The following PAK2 variants were observed in gnomAD, a reference collection of about 807,000 sequenced individuals.
PAK2 encodes p21 (RAC1) activated kinase 2.
A neutral mutation model predicts 65.9 loss-of-function variants in PAK2; 21 were observed. That is an observed-to-expected ratio of 0.32 (90% CI 0.23 to 0.46). The LOEUF (loss-of-function observed/expected upper bound fraction) is 0.46. PAK2 is among the 20% of genes least tolerant of loss of function. The probability of loss-of-function intolerance (pLI) is 1.00; values close to 1 mark genes in which losing one functional copy is unlikely to be tolerated. For missense variants in PAK2, 324 were observed against 642.6 expected (o/e 0.50, Z 5.36); for synonymous variants, 204 against 219.7 (o/e 0.93, Z 0.63).
intron 9 of PAK2, 82 bp from the exon 10 acceptor site, chr3:196,812,657 G>A (rs1168351949): frequency 5.1e-5 from 35 of 680,920 alleles, no homozygotes; most frequent in South Asian, 3.3e-4. Context: ...TACACGTACC[G>A]TGAGTTATCA....
intron 9 of PAK2, 31 bp from the exon 10 acceptor site, chr3:196,812,708 C>G (rs774990825): frequency 2.0e-6 from 2 of 983,416 alleles, no homozygotes; most frequent in Non-Finnish European, 1.6e-6. Context: ...ATTCCTAAAC[C>G]TGGTTTTTTT....
At chr3:196,772,215 T>C (rs1714382281) in intron 1 of PAK2, among the ~76,000 whole-genome samples, 1 of 152,198 alleles carries the variant, frequency 6.6e-6, no homozygotes. Context: ...TTTTCAGGCC[T>C]AGCCTTATGT....
At chr3:196,742,287 C>A (rs1247827621) in intron 1 of PAK2, among the ~76,000 whole-genome samples, 1 of 151,646 alleles carries the variant, frequency 6.6e-6, no homozygotes. Flanking sequence ...GGGGTTTCAC[C>A]GTGTTGGTTA....
intron 1 of PAK2, among the ~76,000 whole-genome samples, chr3:196,778,921 A>G (rs1278809437): frequency 1.3e-5 from 2 of 152,240 alleles, no homozygotes; most frequent in African/African-American, 2.4e-5. Flanking sequence ...TGTGCGTCCC[A>G]TCACATTAGA....
In PAK2 at chr3:196,828,377, C is replaced by G. The variant is rs1577758304; in HGVS notation, c.1547C>G (p.Ala516Gly). ...AGCTTGACACCACTGATCATGGCAG[C>G]TAAAGAAGCAATGAAGAGTAACCGT... ...LSSLTPLIMAAKEAMKSNR is the reference protein window; with the variant it reads ...LSSLTPLIMAGKEAMKSNR The change falls in exon 15 of 15, where the codon GCT (alanine) becomes GGT (glycine). Residue 516 changes from alanine to glycine, a missense_variant. Physicochemically the swap from Ala to Gly is moderately conservative, Grantham distance 60. Coordinates refer to ENST00000327134, the MANE Select transcript of PAK2 (RefSeq NM_002577.4). 6.2e-7 allele frequency: 1 copy of G among 1,609,564 alleles called. No homozygotes were observed. The highest frequency in any genetic ancestry group is 8.5e-7 in the Non-Finnish European group (1 of 1,176,572).
At chr3:196,741,370 T>A (rs1018103017) in intron 1 of PAK2, among the ~76,000 whole-genome samples, 2 of 152,236 alleles carry the variant, frequency 1.3e-5, no homozygotes, top group Non-Finnish European at 2.9e-5. Context: ...TTAAAACTTG[T>A]CAACTTTGCC....
At chr3:196,825,157 C>G (rs1033591653) in intron 13 of PAK2, among the ~76,000 whole-genome samples, 1 of 150,282 alleles carries the variant, frequency 6.7e-6, no homozygotes, top group Non-Finnish European at 1.5e-5. Flanking sequence ...ACCAGCCTGG[C>G]CAATGTGGTG....
chr3:196,776,261 A>T (rs1714530922), intron 1 of PAK2, among the ~76,000 whole-genome samples: 1 of 152,214 alleles, frequency 6.6e-6, no homozygotes. Context: ...ACGTAATAAT[A>T]TACTTAATGG....
At chr3:196,769,749 A>G (rs986875527) in intron 1 of PAK2, among the ~76,000 whole-genome samples, 7 of 151,918 alleles carry the variant, frequency 4.6e-5, no homozygotes, top group African/African-American at 1.7e-4. Context: ...CCTGGGAGGC[A>G]GGGCTTGCAG....
intron 1 of PAK2, among the ~76,000 whole-genome samples, chr3:196,762,557 A>C (rs1684432): frequency 6.9e-6 from 1 of 145,588 alleles, no homozygotes; most frequent in East Asian, 2.0e-4. Flanking sequence ...GTGGCGGCGC[A>C]TGCCTGCAAT....
chr3:196,743,189 C>T (rs1043917919), intron 1 of PAK2, among the ~76,000 whole-genome samples: 1 of 152,138 alleles, frequency 6.6e-6, no homozygotes, highest in Non-Finnish European at 1.5e-5. Flanking sequence ...TTCTTCCCTT[C>T]TAGGGTCACC....
At chr3:196,742,904 A>G (rs1713255147) in intron 1 of PAK2, among the ~76,000 whole-genome samples, 1 of 152,228 alleles carries the variant, frequency 6.6e-6, no homozygotes, top group South Asian at 2.1e-4. Flanking sequence ...TGGGCTACAG[A>G]GCGAGACTCC....
intron 1 of PAK2, among the ~76,000 whole-genome samples, chr3:196,764,811 A>G (rs1282465917): frequency 6.7e-6 from 1 of 148,898 alleles, no homozygotes; most frequent in African/African-American, 2.5e-5. Context: ...GAGTCACTGC[A>G]CCGACCCCAA....
In PAK2 at chr3:196,828,465, T is replaced by C. The variant is rs542062127; in HGVS notation, c.*60T>C. The C allele has an allele frequency of 7.3e-6, 7 of 963,456 alleles. No homozygotes were observed. In the Admixed American group the frequency reaches 7.7e-5, roughly 11 times the overall value. 59.7% of individuals were successfully genotyped at this position (963,456 alleles called of 1,614,324 possible). ...TTTCTACAAGAAGCCTTTTAGTATA[T>C]GAAAATTATTACTCTTTTTGGGGTT... On this transcript the variant is annotated 3_prime_UTR_variant, in exon 15 of 15. Transcript: ENST00000327134.
intron 1 of PAK2, among the ~76,000 whole-genome samples, chr3:196,758,689 C>G (rs1039137133): frequency 1.3e-5 from 2 of 152,142 alleles, no homozygotes; most frequent in African/African-American, 4.8e-5. Flanking sequence ...GTGTCTCGCT[C>G]TACTGCCCAG....
At chr3:196,782,298 TA>T (rs61249904) in intron 1 of PAK2, among the ~76,000 whole-genome samples, 5,275 of 140,172 alleles carry the variant, frequency 0.038, 136 homozygotes, top group African/African-American at 0.087. Flanking sequence ...TCTTTGGAAT[TA>T]AAAAAAAAAA....
intron 1 of PAK2, among the ~76,000 whole-genome samples, chr3:196,773,301 AAC>A (rs1714419235): frequency 6.6e-6 from 1 of 152,186 alleles, no homozygotes; most frequent in Non-Finnish European, 1.5e-5. Flanking sequence ...GGTTAAGCAA[AAC>A]ATAAGGTAAA....
At chr3:196,813,079 T>C (rs1399826938) in intron 10 of PAK2, among the ~76,000 whole-genome samples, 1 of 152,144 alleles carries the variant, frequency 6.6e-6, no homozygotes, top group East Asian at 1.9e-4. Context: ...CCATAGCTGG[T>C]GGTGTTTATA....
chr3:196,752,116 A>G (rs773549027), intron 1 of PAK2, among the ~76,000 whole-genome samples: 1 of 152,166 alleles, frequency 6.6e-6, no homozygotes, highest in Non-Finnish European at 1.5e-5. Flanking sequence ...ATATTCCAGT[A>G]TTAGAACTCT....
Sources: gnomAD v4.1 joint callset for allele counts (sites outside exome capture counted in the v4.1 genomes callset) on GRCh38, gnomAD v4.1.1 for gene constraint, MANE v1.5 for transcripts, NCBI Gene and HGNC (gene_info 2026-07-23, HGNC 2026-07-21) for gene names.